NCSTN: variants seen among roughly 807,000 people sequenced by gnomAD.
The protein encoded by NCSTN is nicastrin.
Under a neutral mutation model 87.0 loss-of-function variants are expected in NCSTN, and 22 were observed. That is an observed-to-expected ratio of 0.25 (90% CI 0.18 to 0.36). The LOEUF (loss-of-function observed/expected upper bound fraction) is 0.36. Among genes scored for constraint, NCSTN ranks in the 10% least tolerant of loss-of-function variants. The probability of loss-of-function intolerance (pLI) is 1.00; values close to 1 mark genes in which losing one functional copy is unlikely to be tolerated. For synonymous variants in NCSTN, 306 were observed against 327.1 expected (o/e 0.94, Z 0.69); for missense variants, 693 against 883.3 (o/e 0.78, Z 2.73).
intron 8 of NCSTN, among the ~76,000 whole-genome samples, 160 bp downstream of exon 8, chr1:160,352,366 A>G (rs745796790): frequency 6.6e-6 from 1 of 152,176 alleles, no homozygotes; most frequent in Non-Finnish European, 1.5e-5. Context: ...AGATTCCTCC[A>G]TTTTAGGAAG....
At position 160,354,099 on chromosome 1, in the gene NCSTN, T is replaced by A. The variant is rs1257518914; in HGVS notation, c.1180-19T>A. The stretch of plus-strand genomic sequence containing the variant: ...CATCCCCCAGCCTCCCATCAGTTAA[T>A]CTCCCTCGTACCCCCCAGGTGGAGG... On this transcript the variant is annotated intron_variant, in intron 10 of 16. Coordinates refer to ENST00000294785, the MANE Select transcript of NCSTN (RefSeq NM_015331.3). 21 of 1,612,938 alleles carry A rather than the reference T, an allele frequency of 1.3e-5. No homozygotes were observed. The highest frequency in any genetic ancestry group is 1.8e-5 in the Non-Finnish European group (21 of 1,179,066).
At position 160,354,305 on chromosome 1, in the gene NCSTN, G is replaced by A. The variant is rs1649022954; in HGVS notation, c.1352+15G>A. 1 of 1,613,492 alleles carries A rather than the reference G, an allele frequency of 6.2e-7. No homozygotes were observed. The highest frequency in any genetic ancestry group is 8.5e-7 in the Non-Finnish European group (1 of 1,179,508). ...TTCCATAACAAGTAAGAATCACTTG[G>A]CCCTGCACCCTCTTCATTCTTGAAG... On this transcript the variant is annotated intron_variant, in intron 11 of 16. Transcript: ENST00000294785.
chr1:160,349,045 G>A lies in NCSTN; in HGVS notation c.237G>A (p.Glu79=), dbSNP rs34445546. ...GGGTTATCCACGTAGTAGAGAAAGA[G>A]GAGGACCTACAGTGGGTATTGACTG... ...DTGVIHVVEK[E]EDLQWVLTDG... Residue 79 remains glutamate, a synonymous_variant, in exon 3 of 17, where the codon GAG becomes GAA. Transcript: ENST00000294785. The A allele has an allele frequency of 0.011, 18,466 of 1,614,152 alleles. 130 individuals are homozygous for A. Among genetic ancestry groups the A allele is most frequent in the Non-Finnish European group, 0.014 (16,528 of 1,179,998 alleles).
At chr1:160,350,697 A>T (rs774462355) in intron 5 of NCSTN, among the ~76,000 whole-genome samples, 29 of 149,932 alleles carry the variant, frequency 1.9e-4, no homozygotes, top group Non-Finnish European at 3.7e-4. Flanking sequence ...CCAGGTTAAG[A>T]ACCACTAGTA....
At chr1:160,344,014 C>G in intron 1 of NCSTN, 1 of 230,500 alleles carries the variant, frequency 4.3e-6, no homozygotes, top group South Asian at 3.9e-5. Flanking sequence ...TATGGGTACT[C>G]TTAACTGTGA....
rs758072069 is a variant in NCSTN at position 160,351,350 on chromosome 1, A to G, written c.711A>G (p.Gln237=). The change falls in exon 6 of 17, where the codon CAA becomes CAG. Residue 237 remains glutamine, a synonymous_variant. Transcript: ENST00000294785. ...CCTGCATGCGGCGCAGCTCCATCCA[A>G]AGCACCTTCAGCATCAACCCAGGTA... ...TATCMRRSSI[Q]STFSINPEIV... The G allele has an allele frequency of 6.2e-7, 1 of 1,614,160 alleles. No homozygotes were observed. Among genetic ancestry groups the G allele is most frequent in the South Asian group, 1.1e-5 (1 of 91,058 alleles).
intron 1 of NCSTN, chr1:160,343,954 G>GTTTTTTTTT (rs35301624): frequency 1.2e-4 from 18 of 152,454 alleles, no homozygotes; most frequent in African/African-American, 5.9e-4. Flanking sequence ...CTTGCCTCAG[G>GTTTTTTTTT]TTTTTTTTTT....
At chr1:160,354,338 A>G (rs957191016) in intron 11 of NCSTN, 48 bp downstream of exon 11, 6 of 1,597,904 alleles carry the variant, frequency 3.8e-6, no homozygotes, top group African/African-American at 1.3e-5. Context: ...AAGAGAGTCT[A>G]TTCTGCAGTC....
In NCSTN at chr1:160,355,753, C is replaced by T. The variant is rs1387279693; in HGVS notation, c.1451C>T (p.Ala484Val). 6.2e-7 allele frequency: 1 copy of T among 1,613,136 alleles called. No homozygotes were observed. The change falls in exon 12 of 17, where the codon GCC becomes GTC. Residue 484 changes from alanine (A) to valine (V), a missense_variant. Ala to Val is a moderately conservative substitution (Grantham distance 64, BLOSUM62 0). This residue lies in a region of NCSTN where 216 missense variants were observed against 311.7 expected (regional missense o/e 0.69). Transcript: ENST00000294785. ...EEDLNFVTDT[A>V]KALADVATVL... The stretch of plus-strand genomic sequence containing the variant: ...GACCTGAACTTTGTAACAGACACTG[C>T]CAAGGTAGCACTGAGCCAGGCTGGG...
In NCSTN at chr1:160,346,426, A is replaced by G. The variant is rs139865757; in HGVS notation, c.190+1600A>G. On this transcript the variant is annotated intron_variant, in intron 2 of 16. Transcript: ENST00000294785. ...TCCTGAAGCCTTCTTCCCATTTGATAAGAGAAAACTGGGACACTGAGAAGT... is the reference window on the plus strand; with the variant it reads ...TCCTGAAGCCTTCTTCCCATTTGATGAGAGAAAACTGGGACACTGAGAAGT... 1.1e-3 allele frequency among the ~76,000 whole-genome samples: 160 copies of G among 152,336 alleles called. 1 individual carries two copies. The highest frequency in any genetic ancestry group is 3.6e-3 in the African/African-American group (148 of 41,566).
intron 2 of NCSTN, among the ~76,000 whole-genome samples, chr1:160,345,615 T>C (rs1250991201): frequency 2.6e-5 from 4 of 152,126 alleles, no homozygotes; most frequent in Non-Finnish European, 5.9e-5. Context: ...CTAAAGGCAA[T>C]GAACTATCTG....
chr1:160,349,463 C>T, intron 3 of NCSTN, 86 bp from the exon 4 acceptor site: 1 of 1,536,834 alleles, frequency 6.5e-7, no homozygotes. Flanking sequence ...TCCCCTAGTT[C>T]CCCATTTGTT....
At chr1:160,355,841 G>GC (rs1390234926) in intron 12 of NCSTN, 22 bp from the exon 13 acceptor site, 2 of 1,609,174 alleles carry the variant, frequency 1.2e-6, no homozygotes, top group Non-Finnish European at 1.7e-6. Flanking sequence ...GGGCCATTCA[G>GC]CCCCCTCCTC....
At chr1:160,354,062 C>T (rs1411303318) in intron 10 of NCSTN, 56 bp from the exon 11 acceptor site, 3 of 1,561,456 alleles carry the variant, frequency 1.9e-6, no homozygotes, top group South Asian at 1.1e-5. Context: ...CTAAAAGAGA[C>T]CTCCTGCTTC....
At position 160,354,841 on chromosome 1, in the gene NCSTN, G is replaced by A. The variant is rs575998422; in HGVS notation, c.1352+551G>A. Among the ~76,000 whole-genome samples the A allele has an allele frequency of 9.2e-5, 14 of 152,250 alleles. No individual in the cohort carries two copies. The East Asian group carries it at 2.3e-3, about 25-fold the overall frequency. ...ACCCTTTAACTGCTCCTAACTTGAG[G>A]CCTTGGATAACAGGGGACTTCTTAC... is the stretch of plus-strand genomic sequence containing the variant. On this transcript the variant is annotated intron_variant, in intron 11 of 16. Coordinates refer to ENST00000294785, the MANE Select transcript of NCSTN (RefSeq NM_015331.3).
intron 4 of NCSTN, 102 bp from the exon 5 acceptor site, chr1:160,350,003 T>C (rs1187082134): frequency 4.9e-6 from 7 of 1,416,616 alleles, no homozygotes; most frequent in Non-Finnish European, 7.0e-6. Flanking sequence ...CACCTCCTTT[T>C]GAACTCTTAG....
intron 3 of NCSTN, 93 bp downstream of exon 3, chr1:160,349,215 T>C (rs1424191138): frequency 3.9e-6 from 6 of 1,535,550 alleles, no homozygotes; most frequent in African/African-American, 1.4e-5. Context: ...TTCCCTTGGC[T>C]GCCCTGGTCT....
At chr1:160,347,095 C>G (rs548799250) in intron 2 of NCSTN, among the ~76,000 whole-genome samples, 3 of 152,210 alleles carry the variant, frequency 2.0e-5, no homozygotes, top group Non-Finnish European at 4.4e-5. Context: ...CTTAAAACAG[C>G]TCTGTAGGAA....
chr1:160,351,708 A>AC lies in NCSTN; in HGVS notation c.751dup (p.Leu251ProfsTer3), dbSNP rs1648848332. 6.2e-7 allele frequency: 1 copy of AC among 1,605,806 alleles called. No individual in the cohort carries two copies. The highest frequency in any genetic ancestry group is 8.5e-7 in the Non-Finnish European group (1 of 1,172,648). On this transcript the variant is annotated frameshift_variant, in exon 7 of 17. Transcript: ENST00000294785. LOFTEE classifies it high-confidence loss of function. ...GTGTCCTGCTTAGAAATCGTCTGTGACCCCCTGTCTGATTACAATGTGTGG... is the reference window on the plus strand; with the variant it reads ...GTGTCCTGCTTAGAAATCGTCTGTGACCCCCCTGTCTGATTACAATGTGTGG...
Sources: gnomAD v4.1 joint callset for allele counts (sites outside exome capture counted in the v4.1 genomes callset) on GRCh38, gnomAD v4.1.1 for gene constraint, gnomAD v4.1.1 regional missense constraint, MANE v1.5 for transcripts, NCBI Gene and HGNC (gene_info 2026-07-23, HGNC 2026-07-21) for gene names.